CSMD1: variants seen among roughly 807,000 people sequenced by gnomAD.
The protein encoded by CSMD1 is CUB and sushi domain-containing protein 1.
CSMD1 carries 213 observed loss-of-function variants against 417.5 expected under a neutral mutation model. That is an observed-to-expected ratio of 0.51 (90% CI 0.46 to 0.57). CSMD1 has a LOEUF of 0.57. Ranked by LOEUF, CSMD1 falls within the 20% of genes least tolerant of loss-of-function variation. The pLI, the probability that CSMD1 is intolerant of heterozygous loss-of-function variation, is 0.00. For missense variants in CSMD1, 6,923 were observed against 4,529.7 expected, an observed-to-expected ratio of 1.53 and a Z score of -15.17; for synonymous variants, 2,862 against 1,736.8, an observed-to-expected ratio of 1.65 and a Z score of -16.11.
intron 68 of CSMD1, among the ~76,000 whole-genome samples, chr8:2,946,223 A>G (rs2128916154): frequency 6.6e-6 from 1 of 152,274 alleles, no homozygotes; most frequent in South Asian, 2.1e-4. Context: ...CCAAAATGTC[A>G]TTATGCGATG....
At chr8:4,033,366 C>T (rs1039846902) in intron 3 of CSMD1, among the ~76,000 whole-genome samples, 2 of 151,954 alleles carry the variant, frequency 1.3e-5, no homozygotes, top group African/African-American at 2.4e-5. Context: ...GGCGTGAACC[C>T]GGGAGGCGGA....
At chr8:4,913,773 G>C (rs1805859614) in intron 1 of CSMD1, among the ~76,000 whole-genome samples, 1 of 152,154 alleles carries the variant, frequency 6.6e-6, no homozygotes. Context: ...GAATTAGGGA[G>C]TCACTGCCAA....
At chr8:3,427,948 T>A (rs1813962113) in intron 12 of CSMD1, among the ~76,000 whole-genome samples, 1 of 152,206 alleles carries the variant, frequency 6.6e-6, no homozygotes, top group Admixed American at 6.5e-5. Flanking sequence ...AATCAGGAAT[T>A]AATAAGGTAA....
At chr8:3,226,817 A>G (rs1798531617) in intron 27 of CSMD1, among the ~76,000 whole-genome samples, 1 of 152,162 alleles carries the variant, frequency 6.6e-6, no homozygotes, top group Non-Finnish European at 1.5e-5. Context: ...GAGATTTTAT[A>G]AAAGGGAAAG....
chr8:3,248,293 G>A (rs1800012846), intron 26 of CSMD1, among the ~76,000 whole-genome samples: 1 of 135,234 alleles, frequency 7.4e-6, no homozygotes, highest in African/African-American at 2.7e-5. Flanking sequence ...ATCCAGGACA[G>A]TACTGGCTTG....
At chr8:4,677,497 T>C (rs1805772080) in intron 1 of CSMD1, among the ~76,000 whole-genome samples, 1 of 152,152 alleles carries the variant, frequency 6.6e-6, no homozygotes. Flanking sequence ...TTTTATATGT[T>C]CAAGCCAGAA....
intron 2 of CSMD1, among the ~76,000 whole-genome samples, chr8:4,542,364 A>T (rs1432925680): frequency 6.6e-6 from 1 of 152,214 alleles, no homozygotes; most frequent in African/African-American, 2.4e-5. Flanking sequence ...AACAAAAAAA[A>T]AGTTTTAATT....
intron 22 of CSMD1, among the ~76,000 whole-genome samples, chr8:3,345,604 A>C (rs190312274): frequency 8.3e-4 from 127 of 152,166 alleles, no homozygotes; most frequent in Non-Finnish European, 1.4e-3. Flanking sequence ...TTTTTCACCT[A>C]TAAGTAGCTA....
intron 41 of CSMD1, among the ~76,000 whole-genome samples, chr8:3,137,235 A>G (rs895416327): frequency 2.3e-4 from 35 of 152,214 alleles, no homozygotes; most frequent in Admixed American, 1.0e-3. Context: ...CCTTTAAAAG[A>G]GTTTTGCTAG....
At chr8:3,432,704 T>C (rs976389287) in intron 12 of CSMD1, among the ~76,000 whole-genome samples, 3 of 151,976 alleles carry the variant, frequency 2.0e-5, no homozygotes, top group African/African-American at 7.2e-5. Flanking sequence ...TTAGTACAGA[T>C]GGGGTTTCAC....
intron 11 of CSMD1, among the ~76,000 whole-genome samples, chr8:3,484,620 G>A (rs1446851861): frequency 6.6e-6 from 1 of 152,254 alleles, no homozygotes; most frequent in Middle Eastern, 3.4e-3. Context: ...TTTGCCATGT[G>A]TTGAAACCCA....
intron 49 of CSMD1, among the ~76,000 whole-genome samples, chr8:3,081,673 T>A (rs558368516): frequency 1.6e-4 from 25 of 152,340 alleles, no homozygotes; most frequent in Admixed American, 5.2e-4. Context: ...GAGTCTAAAC[T>A]GTTATTTATT....
chr8:3,095,884 A>G (rs1815260504), intron 47 of CSMD1, among the ~76,000 whole-genome samples: 1 of 152,202 alleles, frequency 6.6e-6, no homozygotes, highest in Non-Finnish European at 1.5e-5. Flanking sequence ...AAATTGCAAA[A>G]AAATCATAAG....
intron 5 of CSMD1, among the ~76,000 whole-genome samples, chr8:3,911,614 C>A (rs1808474718): frequency 6.6e-6 from 1 of 151,954 alleles, no homozygotes. Context: ...TCTCTGCCAT[C>A]CAATTCGATT....
intron 1 of CSMD1, among the ~76,000 whole-genome samples, chr8:4,655,472 T>C (rs1804175801): frequency 6.6e-6 from 1 of 152,172 alleles, no homozygotes; most frequent in Admixed American, 6.5e-5. Flanking sequence ...TGGCTTATTT[T>C]TTGGAAATAA....
chr8:3,842,271 T>A (rs1018404051), intron 5 of CSMD1, among the ~76,000 whole-genome samples: 10 of 152,216 alleles, frequency 6.6e-5, no homozygotes, highest in Middle Eastern at 3.4e-3. Flanking sequence ...TAATTCCCAA[T>A]CTTCTTATGA....
chr8:3,939,841 A>G (rs1810755695), intron 5 of CSMD1, among the ~76,000 whole-genome samples: 1 of 152,082 alleles, frequency 6.6e-6, no homozygotes, highest in South Asian at 2.1e-4. Flanking sequence ...ATAATAATAT[A>G]ATGGACATTG....
chr8:3,375,484 A>G (rs535158040), intron 18 of CSMD1, among the ~76,000 whole-genome samples: 6 of 152,258 alleles, frequency 3.9e-5, no homozygotes, highest in East Asian at 1.9e-4. Context: ...TTCCACTTCA[A>G]TAATATTCAT....
chr8:3,797,985 G>A (rs535802457), intron 5 of CSMD1, among the ~76,000 whole-genome samples: 194 of 152,022 alleles, frequency 1.3e-3, no homozygotes, highest in African/African-American at 4.3e-3. Flanking sequence ...CGGTTTCAAC[G>A]TGCATTTCCT....
Sources: gnomAD v4.1 joint callset for allele counts (sites outside exome capture counted in the v4.1 genomes callset) on GRCh38, gnomAD v4.1.1 for gene constraint, MANE v1.5 for transcripts, NCBI Gene and HGNC (gene_info 2026-07-23, HGNC 2026-07-21) for gene names.